Variants in BRMS1L observed in about 807,000 individuals in gnomAD.
BRMS1L encodes the protein BRMS1 like transcriptional repressor.
In BRMS1L, 23 loss-of-function variants were observed where a neutral mutation model predicts 50.3. The ratio of observed to expected loss-of-function variants is 0.46; its 90% CI spans 0.33 to 0.65. The LOEUF (loss-of-function observed/expected upper bound fraction) is 0.65. Among genes scored for constraint, BRMS1L ranks in the 30% least tolerant of loss-of-function variants. BRMS1L has a pLI of 0.02. For missense variants in BRMS1L, 286 were observed against 386.1 expected, an observed-to-expected ratio of 0.74 and a Z score of 2.17; for synonymous variants, 114 against 126.9, an observed-to-expected ratio of 0.90 and a Z score of 0.69.
chr14:35,858,244 C>T (rs543853118), intron 4 of BRMS1L, among the ~76,000 whole-genome samples: 4 of 152,234 alleles, frequency 2.6e-5, no homozygotes, highest in African/African-American at 9.6e-5. Context: ...ATCCATCAGC[C>T]TCATTTTCTT....
chr14:35,856,026 CT>C (rs1405210744), intron 4 of BRMS1L, among the ~76,000 whole-genome samples: 2 of 152,092 alleles, frequency 1.3e-5, no homozygotes, highest in East Asian at 3.9e-4. Flanking sequence ...TTTTTATCTG[CT>C]TATTCTTTTG....
chr14:35,843,940 G>A (rs543800023), intron 4 of BRMS1L, among the ~76,000 whole-genome samples: 1 of 152,310 alleles, frequency 6.6e-6, no homozygotes, highest in Non-Finnish European at 1.5e-5. Flanking sequence ...TGGCACTGCC[G>A]TGGGCTCTGC....
chr14:35,864,019 A>C (rs2078388141), intron 6 of BRMS1L, 66 bp downstream of exon 6: 1 of 1,207,308 alleles, frequency 8.3e-7, no homozygotes, highest in Non-Finnish European at 1.2e-6. Context: ...GCATGCCTTT[A>C]TAACTTTTAT....
intron 4 of BRMS1L, among the ~76,000 whole-genome samples, chr14:35,853,332 A>G (rs970790602): frequency 2.6e-5 from 4 of 151,912 alleles, no homozygotes; most frequent in Non-Finnish European, 4.4e-5. Context: ...AACTACTTCT[A>G]TTTTAACTGG....
At chr14:35,841,283 T>A (rs553792850) in intron 4 of BRMS1L, among the ~76,000 whole-genome samples, 1 of 151,680 alleles carries the variant, frequency 6.6e-6, no homozygotes, top group Non-Finnish European at 1.5e-5. Context: ...CAATTTTATT[T>A]TTTATTTATT....
At chr14:35,857,889 T>A (rs1172774576) in intron 4 of BRMS1L, among the ~76,000 whole-genome samples, 1 of 151,838 alleles carries the variant, frequency 6.6e-6, no homozygotes, top group African/African-American at 2.4e-5. Context: ...AGCAGATCTA[T>A]GAGGGCCTCC....
intron 4 of BRMS1L, among the ~76,000 whole-genome samples, chr14:35,855,324 T>G (rs961193723): frequency 6.6e-6 from 1 of 152,196 alleles, no homozygotes; most frequent in African/African-American, 2.4e-5. Context: ...ATTCCTGTTC[T>G]TCAACAATTC....
At chr14:35,855,236 G>A (rs997112510) in intron 4 of BRMS1L, among the ~76,000 whole-genome samples, 1 of 152,014 alleles carries the variant, frequency 6.6e-6, no homozygotes, top group African/African-American at 2.4e-5. Context: ...GTTGATTTTG[G>A]GTCCTTGGGG....
chr14:35,831,514 T>C lies in BRMS1L; in HGVS notation c.233+14T>C. 1 of 1,589,456 alleles carries C rather than the reference T, an allele frequency of 6.3e-7. No individual in the cohort carries two copies. The highest frequency in any genetic ancestry group is 8.6e-7 in the Non-Finnish European group (1 of 1,158,006). On this transcript the variant is annotated intron_variant, in intron 2 of 9. Coordinates refer to ENST00000216807, the MANE Select transcript of BRMS1L (RefSeq NM_032352.4). ...TCTCAAAGATCAGTAAGTAGTGACT[T>C]TAGAAGGCCATTGTCACTGAATCTC...
In BRMS1L at chr14:35,835,962, T is replaced by C. The variant is rs147852413; in HGVS notation, c.441+1039T>C. ...ATACAGGTAGAAATAAGAGGACAAG[T>C]TCTATAACGATTCTTCTGTCACTTT... is the stretch of plus-strand genomic sequence containing the variant. On this transcript the variant is annotated intron_variant, in intron 4 of 9. Transcript: ENST00000216807. 2.6e-3 allele frequency among the ~76,000 whole-genome samples: 400 copies of C among 152,306 alleles called. 1 individual carries two copies. The highest frequency in any genetic ancestry group is 8.6e-3 in the African/African-American group (356 of 41,570).
intron 1 of BRMS1L, among the ~76,000 whole-genome samples, chr14:35,827,178 A>C: frequency 6.6e-6 from 1 of 152,176 alleles, no homozygotes; most frequent in East Asian, 1.9e-4. Context: ...TGAAGTTTGC[A>C]AGACTGAGAG....
At position 35,826,476 on chromosome 14, in the gene BRMS1L, G is replaced by T; in HGVS notation, c.-41G>T. The T allele has an allele frequency of 1.3e-6, 2 of 1,555,136 alleles. No individual in the cohort carries two copies. Among genetic ancestry groups the T allele is most frequent in the Non-Finnish European group, 1.7e-6 (2 of 1,149,632 alleles). ...CCCTTCATTGAAGCGGCGGTGGCCG[G>T]GCTGGGCGCCGGTAGTGGAAAGCGA... On this transcript the variant is annotated 5_prime_UTR_variant, in exon 1 of 10. Coordinates refer to ENST00000216807, the MANE Select transcript of BRMS1L (RefSeq NM_032352.4).
In BRMS1L at chr14:35,871,506, C is replaced by T. The variant is rs1250191973; in HGVS notation, c.*1029C>T. 6.6e-6 allele frequency: 1 copy of T among 152,638 alleles called. No individual in the cohort carries two copies. Among genetic ancestry groups the T allele is most frequent in the Non-Finnish European group, 1.5e-5 (1 of 68,038 alleles). The allele number at this position is 152,638 out of a possible 1,614,324, so 9.5% of individuals were successfully genotyped here. Reference sequence around the variant, plus strand: ...CATTCAAAATTAACTTCCAAAACCTCAGGAACAGTACAAAGAATTGAAACC... The same window carrying T: ...CATTCAAAATTAACTTCCAAAACCTTAGGAACAGTACAAAGAATTGAAACC... On this transcript the variant is annotated 3_prime_UTR_variant, in exon 10 of 10. Transcript: ENST00000216807.
chr14:35,853,291 A>G (rs973784211), intron 4 of BRMS1L, among the ~76,000 whole-genome samples: 3 of 151,940 alleles, frequency 2.0e-5, no homozygotes, highest in African/African-American at 7.3e-5. Flanking sequence ...TAAATAGCAT[A>G]TATCTTGATG....
At chr14:35,864,204 AGG>A (rs2078390776) in intron 6 of BRMS1L, among the ~76,000 whole-genome samples, 12 of 152,202 alleles carry the variant, frequency 7.9e-5, no homozygotes, top group Admixed American at 7.9e-4. Flanking sequence ...TCGTTCACCA[AGG>A]GCTTTGATGT....
At chr14:35,831,739 G>A (rs969294580) in intron 2 of BRMS1L, among the ~76,000 whole-genome samples, 5 of 152,082 alleles carry the variant, frequency 3.3e-5, no homozygotes, top group African/African-American at 4.8e-5. Context: ...GGGCAACATC[G>A]GAAGACCTGG....
chr14:35,829,378 T>C (rs909308741), intron 1 of BRMS1L, among the ~76,000 whole-genome samples: 8 of 152,358 alleles, frequency 5.3e-5, no homozygotes, highest in Admixed American at 4.6e-4. Context: ...ACTCTTGTGA[T>C]TTTTAACTTT....
intron 4 of BRMS1L, among the ~76,000 whole-genome samples, chr14:35,850,847 A>C (rs984668302): frequency 2.0e-5 from 3 of 152,140 alleles, no homozygotes; most frequent in African/African-American, 7.2e-5. Flanking sequence ...ACATTGATTT[A>C]ATAATCTTAT....
Position 35,834,919 on chromosome 14 carries a change from G to A in BRMS1L, c.437G>A (p.Cys146Tyr), listed in dbSNP as rs2077971457. 3 of 1,585,648 alleles carry A rather than the reference G, an allele frequency of 1.9e-6. No individual in the cohort carries two copies. Among genetic ancestry groups the A allele is most frequent in the African/African-American group, 1.3e-5 (1 of 74,222 alleles). The change falls in exon 4 of 10, where the codon TGT becomes TAT. Residue 146 changes from cysteine to tyrosine, a missense_variant. This residue lies in a region of BRMS1L where 160 missense variants were observed against 240.6 expected (regional missense o/e 0.66). Coordinates refer to ENST00000216807, the MANE Select transcript of BRMS1L (RefSeq NM_032352.4). Reference sequence around the variant, plus strand: ...GAAATTCAAGCTTCTCGCCAGCATTGTGAGGTACTGTCATTTTGCATAACT... The same window carrying A: ...GAAATTCAAGCTTCTCGCCAGCATTATGAGGTACTGTCATTTTGCATAACT... ...ECEIQASRQH[C>Y]ESEKLLLYDT...
Sources: gnomAD v4.1 joint callset for allele counts (sites outside exome capture counted in the v4.1 genomes callset) on GRCh38, gnomAD v4.1.1 for gene constraint, gnomAD v4.1.1 regional missense constraint, MANE v1.5 for transcripts, NCBI Gene and HGNC (gene_info 2026-07-23, HGNC 2026-07-21) for gene names.